AP4S1: variants seen among roughly 807,000 people sequenced by gnomAD.
The protein encoded by AP4S1 is adaptor related protein complex 4 subunit sigma 1, also known as AP-4 complex subunit sigma-1.
In AP4S1, 23 loss-of-function variants were observed where a neutral mutation model predicts 19.8. That is an observed-to-expected ratio of 1.16 (90% CI 0.84 to 1.65). The LOEUF (loss-of-function observed/expected upper bound fraction) is 1.65. Among genes scored for constraint, AP4S1 ranks in the 40% most tolerant of loss-of-function variants. The probability of loss-of-function intolerance (pLI) is 0.00; values close to 1 mark genes in which losing one functional copy is unlikely to be tolerated. For synonymous variants in AP4S1, 46 were observed against 54.1 expected (o/e 0.85, Z 0.66); for missense variants, 166 against 172.8 (o/e 0.96, Z 0.22).
rs544055916 is a variant in AP4S1 at position 31,049,821 on chromosome 14, C to T, written c.-71-16305C>T. On this transcript the variant is annotated intron_variant, in intron 1 of 5. Coordinates refer to ENST00000542754, the MANE Select transcript of AP4S1 (RefSeq NM_001128126.3). ...TTCATCATGTTGCCCAGTCTGATCT[C>T]GAACTCCTGGGCTCAAGCGATCTGC... Among the ~76,000 whole-genome samples, 43 of 151,960 alleles carry T rather than the reference C, an allele frequency of 2.8e-4. No homozygotes were observed. In the South Asian group the frequency reaches 6.9e-3, roughly 24 times the overall value.
chr14:31,085,253 A>C, intron 5 of AP4S1: 1 of 1,030,492 alleles, frequency 9.7e-7, no homozygotes, highest in Non-Finnish European at 1.2e-6. Context: ...GATATCCCAG[A>C]ACCTGCCACC....
chr14:31,025,871 C>A (rs759605181), intron 1 of AP4S1, 84 bp downstream of exon 1: 2 of 1,583,020 alleles, frequency 1.3e-6, no homozygotes, highest in African/African-American at 1.3e-5. Flanking sequence ...ACCCAGCCGC[C>A]GCAGCTCCCG....
chr14:31,055,719 C>T (rs995942394), intron 1 of AP4S1, among the ~76,000 whole-genome samples: 2 of 44,054 alleles, frequency 4.5e-5, no homozygotes, highest in Non-Finnish European at 1.1e-4. Flanking sequence ...TCTGATATTA[C>T]CTTAGTGTTT....
At chr14:31,027,645 A>T (rs1278862513) in intron 1 of AP4S1, among the ~76,000 whole-genome samples, 2 of 152,180 alleles carry the variant, frequency 1.3e-5, no homozygotes, top group Non-Finnish European at 2.9e-5. Flanking sequence ...CTGGGCGACA[A>T]AGCGAGACTC....
chr14:31,066,100 T>A, intron 1 of AP4S1, 26 bp from the exon 2 acceptor site: 1 of 1,170,872 alleles, frequency 8.5e-7, no homozygotes, highest in South Asian at 1.3e-5. Context: ...CTTGCCTTTC[T>A]GGTTTTGTTT....
chr14:31,076,992 C>T (rs1256438486), intron 4 of AP4S1, among the ~76,000 whole-genome samples: 5 of 152,092 alleles, frequency 3.3e-5, no homozygotes, highest in South Asian at 2.1e-4. Flanking sequence ...AGTGCAATGG[C>T]GTGATCTCGG....
At chr14:31,044,374 C>T (rs1268829563) in intron 1 of AP4S1, among the ~76,000 whole-genome samples, 3 of 152,204 alleles carry the variant, frequency 2.0e-5, no homozygotes, top group East Asian at 3.9e-4. Flanking sequence ...CAGAGTCTCA[C>T]TCTGCTGCCC....
intron 1 of AP4S1, among the ~76,000 whole-genome samples, chr14:31,058,453 C>T (rs1418744085): frequency 1.3e-5 from 2 of 152,080 alleles, no homozygotes; most frequent in Non-Finnish European, 1.5e-5. Context: ...CACACATTCA[C>T]ACAAGCTTTT....
intron 4 of AP4S1, among the ~76,000 whole-genome samples, chr14:31,075,741 ATT>A (rs199770029): frequency 1.4e-5 from 2 of 143,086 alleles, no homozygotes; most frequent in African/African-American, 5.2e-5. Context: ...GGATATACCA[ATT>A]TTTTTTTTTT....
At chr14:31,073,087 G>A in intron 4 of AP4S1, 114 bp downstream of exon 4, 8 of 917,580 alleles carry the variant, frequency 8.7e-6, no homozygotes, top group Non-Finnish European at 1.4e-5. Context: ...ATAAGTAAAA[G>A]TTAAAACTTA....
intron 1 of AP4S1, among the ~76,000 whole-genome samples, chr14:31,040,760 C>A (rs1885060289): frequency 6.6e-6 from 1 of 151,954 alleles, no homozygotes; most frequent in South Asian, 2.1e-4. Flanking sequence ...GGCTTTAGGT[C>A]AAGATCTGCG....
chr14:31,089,586 T>C (rs1555335480), intron 5 of AP4S1, among the ~76,000 whole-genome samples: 2 of 152,198 alleles, frequency 1.3e-5, no homozygotes, highest in South Asian at 4.1e-4. Flanking sequence ...AAAATACTCA[T>C]GATGGAAAAG....
chr14:31,070,382 A>G (rs1334651098), intron 3 of AP4S1, among the ~76,000 whole-genome samples: 1 of 152,194 alleles, frequency 6.6e-6, no homozygotes, highest in African/African-American at 2.4e-5. Context: ...CTGGGACTGC[A>G]GGCTCACACT....
Position 31,092,896 on chromosome 14 carries a change from T to C in AP4S1, c.307-11T>C, listed in dbSNP as rs61253324. On this transcript the variant is annotated splice_polypyrimidine_tract_variant and intron_variant, in intron 5 of 5. Coordinates refer to ENST00000542754, the MANE Select transcript of AP4S1 (RefSeq NM_001128126.3). ...TTTAACTTTAAACTAATTTCCTTAA[T>C]ATAACCGTAGATAATGTTTAATTTG... is the stretch of plus-strand genomic sequence containing the variant. 8.7e-3 allele frequency: 12,991 copies of C among 1,497,532 alleles called. 477 individuals are homozygous for C. Among genetic ancestry groups the C allele is most frequent in the African/African-American group, 0.085 (6,017 of 70,916 alleles). 92.8% of individuals were successfully genotyped at this position (1,497,532 alleles called of 1,614,324 possible).
chr14:31,080,584 T>G lies in AP4S1; in HGVS notation c.306T>G (p.Asp102Glu). The G allele has an allele frequency of 1.9e-6, 3 of 1,613,364 alleles. No homozygotes were observed. The highest frequency in any genetic ancestry group is 2.5e-6 in the Non-Finnish European group (3 of 1,179,328). The change falls in exon 5 of 6, where the codon GAT becomes GAG. Residue 102 changes from aspartate (D) to glutamate (E), a missense_variant and splice_region_variant. Transcript: ENST00000542754. The stretch of plus-strand genomic sequence containing the variant: ...TTTCTGTCTTCCAGAGTGAATTAGA[T>G]GTATCCTTTTTCAATACTGTTTTCC... ...DEYFSRVSEL[D>E]IMFNLDKVHI... is the part of the protein sequence containing the mutation.
intron 1 of AP4S1, among the ~76,000 whole-genome samples, chr14:31,049,913 T>G (rs1473867927): frequency 6.6e-6 from 1 of 151,762 alleles, no homozygotes. Context: ...CTCTTAACTT[T>G]ATTTATTTAT....
intron 1 of AP4S1, among the ~76,000 whole-genome samples, chr14:31,028,395 C>T (rs1286558910): frequency 6.6e-6 from 1 of 151,962 alleles, no homozygotes; most frequent in Non-Finnish European, 1.5e-5. Flanking sequence ...CCAGGCTAGT[C>T]TCCAACTCCT....
intron 1 of AP4S1, among the ~76,000 whole-genome samples, chr14:31,054,421 C>T (rs544502570): frequency 3.3e-5 from 5 of 152,250 alleles, no homozygotes; most frequent in South Asian, 2.1e-4. Flanking sequence ...CAGTGACTCA[C>T]GCCTGTAATC....
rs1006906542 is a variant in AP4S1, at chr14:31,095,345, G to A, written c.*2310G>A. On this transcript the variant is annotated 3_prime_UTR_variant, in exon 6 of 6. Transcript: ENST00000542754. ...GCCATTATGTAATTAACTCTATAGA[G>A]AACATTACTTTCAAATAATGGATGG... 1 of 152,198 alleles carries A rather than the reference G, an allele frequency of 6.6e-6. No homozygotes were observed. The highest frequency in any genetic ancestry group is 2.4e-5 in the African/African-American group (1 of 41,452). The allele number at this position is 152,198 out of a possible 1,614,324, so 9.4% of individuals were successfully genotyped here. A position where few individuals can be genotyped will look rare whatever the true frequency, so the allele number is the denominator to read the frequency against.
Sources: allele counts gnomAD v4.1 joint callset (sites outside exome capture counted in the v4.1 genomes callset), GRCh38; gene constraint gnomAD v4.1.1; transcripts MANE v1.5; gene names NCBI Gene and HGNC (gene_info 2026-07-23, HGNC 2026-07-21).